The following TMEM117 variants were observed in gnomAD, a reference collection of about 807,000 sequenced individuals.
The protein encoded by TMEM117 is transmembrane protein 117.
In TMEM117, 27 loss-of-function variants were observed where a neutral mutation model predicts 52.4. The observed-to-expected ratio is 0.51, with a 90% CI of 0.38 to 0.71. The LOEUF (loss-of-function observed/expected upper bound fraction) is 0.71. TMEM117 is among the 30% of genes least tolerant of loss of function. The pLI, the probability that TMEM117 is intolerant of heterozygous loss-of-function variation, is 0.00. For synonymous variants in TMEM117, 215 were observed against 206.3 expected (o/e 1.04, Z -0.36); for missense variants, 556 against 630.5 (o/e 0.88, Z 1.26).
intron 3 of TMEM117, among the ~76,000 whole-genome samples, chr12:43,962,746 C>T (rs1437300264): frequency 6.6e-6 from 1 of 152,082 alleles, no homozygotes; most frequent in Non-Finnish European, 1.5e-5. Flanking sequence ...TGAAGAAACC[C>T]TGTCTCTACT....
intron 3 of TMEM117, among the ~76,000 whole-genome samples, chr12:44,057,748 T>C (rs1026442245): frequency 1.3e-5 from 2 of 152,202 alleles, no homozygotes. Context: ...TTCTGCCACA[T>C]TGATAAGTTG....
intron 5 of TMEM117, among the ~76,000 whole-genome samples, chr12:44,269,776 G>A (rs1178178789): frequency 2.0e-5 from 3 of 152,092 alleles, no homozygotes; most frequent in East Asian, 1.9e-4. Flanking sequence ...AGATACTTAT[G>A]TTTCTATATC....
chr12:43,896,643 A>C (rs1944207648), intron 2 of TMEM117, among the ~76,000 whole-genome samples: 1 of 151,220 alleles, frequency 6.6e-6, no homozygotes, highest in South Asian at 2.1e-4. Flanking sequence ...TTTGTGGTCC[A>C]CACTTCCTAT....
the TMEM117 span, among the ~76,000 whole-genome samples, chr12:43,808,250 A>G: frequency 1.3e-5 from 2 of 152,178 alleles, no homozygotes; most frequent in African/African-American, 2.4e-5. Flanking sequence ...TGCAGTCAAA[A>G]TGGCTGAATA....
intron 2 of TMEM117, among the ~76,000 whole-genome samples, chr12:43,913,420 A>G (rs1428381710): frequency 6.6e-6 from 1 of 152,208 alleles, no homozygotes; most frequent in Non-Finnish European, 1.5e-5. Context: ...ATAGATTAAT[A>G]AAGTTTGTAT....
intron 5 of TMEM117, among the ~76,000 whole-genome samples, chr12:44,279,350 A>G (rs1950551024): frequency 6.6e-6 from 1 of 152,208 alleles, no homozygotes; most frequent in Non-Finnish European, 1.5e-5. Context: ...GGCCAGTTGC[A>G]GCCAAATTGT....
intron 6 of TMEM117, among the ~76,000 whole-genome samples, chr12:44,360,566 C>CAA (rs546423318): frequency 5.7e-5 from 5 of 87,954 alleles, no homozygotes; most frequent in African/African-American, 8.3e-5. Flanking sequence ...GACTCTGTCT[C>CAA]AAAAAAAAAA....
At chr12:44,054,349 G>A (rs780715784) in intron 3 of TMEM117, among the ~76,000 whole-genome samples, 3 of 152,132 alleles carry the variant, frequency 2.0e-5, no homozygotes, top group East Asian at 1.9e-4. Context: ...CCTTGGGGTC[G>A]TATTGAGACT....
rs111480500 is a variant in TMEM117, at chr12:44,091,141, G to A, written c.411-52384G>A. Among the ~76,000 whole-genome samples, 90 of 152,054 alleles carry A rather than the reference G, an allele frequency of 5.9e-4. 2 individuals carry two copies. Among genetic ancestry groups the A allele is most frequent in the African/African-American group, 1.8e-3 (75 of 41,448 alleles). On this transcript the variant is annotated intron_variant, in intron 3 of 7. Transcript: ENST00000266534. ...TGAAAGGCACTTCTTACATGGTGGC[G>A]GCAAGAGAAAAAGAGAATGATGCAA...
At chr12:44,089,865 ATTC>A (rs1003949552) in intron 3 of TMEM117, among the ~76,000 whole-genome samples, 1 of 152,186 alleles carries the variant, frequency 6.6e-6, no homozygotes, top group Non-Finnish European at 1.5e-5. Context: ...GCCATAGACA[ATTC>A]TTAAACAAAT....
chr12:44,216,798 C>T (rs1444167994), intron 5 of TMEM117, among the ~76,000 whole-genome samples: 1 of 152,068 alleles, frequency 6.6e-6, no homozygotes, highest in African/African-American at 2.4e-5. Flanking sequence ...TACTCTGTTC[C>T]ATCCTGGAAC....
intron 5 of TMEM117, among the ~76,000 whole-genome samples, chr12:44,281,335 C>T (rs1950574525): frequency 6.6e-6 from 1 of 151,898 alleles, no homozygotes; most frequent in African/African-American, 2.4e-5. Context: ...CGGCCCTTAT[C>T]ATGGAAAACA....
At chr12:44,181,388 T>C (rs963944028) in intron 4 of TMEM117, among the ~76,000 whole-genome samples, 146 of 152,264 alleles carry the variant, frequency 9.6e-4, no homozygotes, top group African/African-American at 3.3e-3. Flanking sequence ...TTGTCTTCTG[T>C]TGCCATTGCT....
chr12:44,373,431 T>C (rs1186109166), intron 6 of TMEM117, among the ~76,000 whole-genome samples: 1 of 152,240 alleles, frequency 6.6e-6, no homozygotes, highest in African/African-American at 2.4e-5. Context: ...AACACGACTT[T>C]CTTCCTTTTT....
chr12:44,184,268 C>T (rs1949246508), intron 4 of TMEM117, among the ~76,000 whole-genome samples: 1 of 152,072 alleles, frequency 6.6e-6, no homozygotes, highest in Admixed American at 6.6e-5. Context: ...ATGACTTGAA[C>T]CTGGGAGATG....
intron 5 of TMEM117, among the ~76,000 whole-genome samples, chr12:44,288,156 GCAATA>G (rs145279040): frequency 0.047 from 7,113 of 152,184 alleles, 334 homozygotes; most frequent in African/African-American, 0.12. Context: ...CAAATGGCAT[GCAATA>G]CAATACATTT....
chr12:44,391,922 G>A (rs1424582321), downstream of TMEM117, among the ~76,000 whole-genome samples: 1 of 152,038 alleles, frequency 6.6e-6, no homozygotes, highest in Non-Finnish European at 1.5e-5. Context: ...TGATTTCTTC[G>A]AGCTTTGTCC....
intron 5 of TMEM117, among the ~76,000 whole-genome samples, chr12:44,278,406 C>G (rs1433163578): frequency 6.6e-6 from 1 of 152,156 alleles, no homozygotes; most frequent in Non-Finnish European, 1.5e-5. Context: ...TTTCCAAATT[C>G]CCTGTTTCTG....
At chr12:44,047,023 A>T (rs970000958) in intron 3 of TMEM117, among the ~76,000 whole-genome samples, 25 of 152,292 alleles carry the variant, frequency 1.6e-4, no homozygotes, top group Middle Eastern at 6.8e-3. Flanking sequence ...GATGGTTAAT[A>T]CTGAGTATCA....
Sources: gnomAD v4.1 joint callset for allele counts (sites outside exome capture counted in the v4.1 genomes callset) on GRCh38, gnomAD v4.1.1 for gene constraint, MANE v1.5 for transcripts, NCBI Gene and HGNC (gene_info 2026-07-23, HGNC 2026-07-21) for gene names.